PACS1: variants seen among roughly 807,000 people sequenced by gnomAD.
PACS1 encodes PACS-1.
PACS1 carries 24 observed loss-of-function variants against 115.0 expected under a neutral mutation model. That is an observed-to-expected ratio of 0.21 (90% CI 0.15 to 0.29). PACS1 has a LOEUF of 0.29. Ranked by LOEUF, PACS1 falls within the 10% of genes least tolerant of loss-of-function variation. PACS1 has a pLI of 1.00. For missense variants in PACS1, 838 were observed against 1,251.2 expected, an observed-to-expected ratio of 0.67 and a Z score of 4.98; for synonymous variants, 453 against 504.5, an observed-to-expected ratio of 0.90 and a Z score of 1.37.
At chr11:66,107,295 C>T (rs923197753) in intron 1 of PACS1, among the ~76,000 whole-genome samples, 1 of 152,136 alleles carries the variant, frequency 6.6e-6, no homozygotes, top group African/African-American at 2.4e-5. Flanking sequence ...GGTTCATTTT[C>T]ACTCCTCCTC....
intron 1 of PACS1, among the ~76,000 whole-genome samples, chr11:66,173,365 G>A (rs189968078): frequency 6.6e-6 from 1 of 152,000 alleles, no homozygotes; most frequent in Non-Finnish European, 1.5e-5. Context: ...CATTATTGCT[G>A]TTAAAAGTCC....
At chr11:66,195,053 A>G (rs555648133) in intron 2 of PACS1, among the ~76,000 whole-genome samples, 2 of 152,244 alleles carry the variant, frequency 1.3e-5, no homozygotes, top group South Asian at 2.1e-4. Flanking sequence ...GTGAAACCCC[A>G]TCTCTACTAA....
In PACS1 at chr11:66,156,204, TTATATATATATATATATATATATA is replaced by T. The variant is rs61270162; in HGVS notation, c.357-37255_357-37232del. Among the ~76,000 whole-genome samples the T allele has an allele frequency of 6.4e-3, 548 of 85,058 alleles. 12 individuals carry two copies. Among genetic ancestry groups the T allele is most frequent in the African/African-American group, 0.013 (317 of 23,748 alleles). 55.8% of individuals were successfully genotyped at this position (85,058 alleles called of 152,430 possible). On this transcript the variant is annotated intron_variant, in intron 1 of 23. Transcript: ENST00000320580. ...CCACAAAGTTGTTTCATTTTTTAAA[TTATATATATATATATATATATATA>T]TATATATATATATATATATATATAT...
chr11:66,188,887 A>G (rs1388688875), intron 1 of PACS1, among the ~76,000 whole-genome samples: 1 of 152,220 alleles, frequency 6.6e-6, no homozygotes, highest in Non-Finnish European at 1.5e-5. Flanking sequence ...TAAAAAGTTC[A>G]TTTATAATTA....
intron 1 of PACS1, among the ~76,000 whole-genome samples, chr11:66,152,163 GA>G (rs1859254751): frequency 6.6e-6 from 1 of 152,186 alleles, no homozygotes; most frequent in African/African-American, 2.4e-5. Flanking sequence ...GAGCCCAAGA[GA>G]TCGAGGCTGC....
intron 1 of PACS1, among the ~76,000 whole-genome samples, chr11:66,156,993 G>C (rs764821742): frequency 6.6e-6 from 1 of 152,084 alleles, no homozygotes; most frequent in African/African-American, 2.4e-5. Flanking sequence ...CTTCTTTGTG[G>C]TGATGTTCTT....
chr11:66,123,863 A>G (rs898843837), intron 1 of PACS1, among the ~76,000 whole-genome samples: 5 of 151,820 alleles, frequency 3.3e-5, no homozygotes, highest in Admixed American at 6.6e-5. Flanking sequence ...TTTTAAGACA[A>G]TGCTATTGCA....
intron 1 of PACS1, among the ~76,000 whole-genome samples, chr11:66,071,167 T>TCGCCGG: frequency 6.6e-6 from 1 of 152,164 alleles, no homozygotes. Flanking sequence ...CTCTCCTGCC[T>TCGCCGG]CGCCGGCGCC....
intron 4 of PACS1, among the ~76,000 whole-genome samples, chr11:66,213,661 G>A (rs894390592): frequency 5.3e-5 from 8 of 152,222 alleles, no homozygotes; most frequent in South Asian, 4.1e-4. Context: ...AGCACACATC[G>A]ATAATTTCAG....
chr11:66,153,936 C>G (rs1278239728), intron 1 of PACS1, among the ~76,000 whole-genome samples: 1 of 151,920 alleles, frequency 6.6e-6, no homozygotes, highest in East Asian at 1.9e-4. Flanking sequence ...AACACAGAGA[C>G]ACAGGTTAAA....
intron 1 of PACS1, among the ~76,000 whole-genome samples, chr11:66,186,516 T>G (rs1470898250): frequency 6.6e-6 from 1 of 152,222 alleles, no homozygotes; most frequent in Non-Finnish European, 1.5e-5. Context: ...CCTAGCTCTA[T>G]TTTCACACAA....
chr11:66,113,430 A>G (rs1858230726), intron 1 of PACS1, among the ~76,000 whole-genome samples: 1 of 152,182 alleles, frequency 6.6e-6, no homozygotes. Context: ...GTTATTGGTT[A>G]TCTTCAGATA....
chr11:66,188,630 A>G (rs1387525437), intron 1 of PACS1, among the ~76,000 whole-genome samples: 5 of 152,140 alleles, frequency 3.3e-5, no homozygotes, highest in Non-Finnish European at 7.4e-5. Flanking sequence ...TGTATCCTAC[A>G]TTTTCACTGC....
At chr11:66,149,014 T>C (rs555334842) in intron 1 of PACS1, among the ~76,000 whole-genome samples, 1 of 151,812 alleles carries the variant, frequency 6.6e-6, no homozygotes, top group South Asian at 2.1e-4. Context: ...ATGTGATGCA[T>C]TTGGTCGAAA....
chr11:66,116,630 C>G (rs1005645455), intron 1 of PACS1, among the ~76,000 whole-genome samples: 1 of 152,220 alleles, frequency 6.6e-6, no homozygotes, highest in Admixed American at 6.5e-5. Context: ...CAGTGGCTCA[C>G]GCCTGTAATC....
At chr11:66,104,041 A>G (rs1857979031) in intron 1 of PACS1, among the ~76,000 whole-genome samples, 1 of 152,138 alleles carries the variant, frequency 6.6e-6, no homozygotes, top group African/African-American at 2.4e-5. Context: ...ACTTTAAAAA[A>G]TACATAACCA....
intron 12 of PACS1, 69 bp downstream of exon 12, chr11:66,230,732 G>A (rs912711860): frequency 3.2e-5 from 51 of 1,612,560 alleles, no homozygotes; most frequent in Non-Finnish European, 4.3e-5. Flanking sequence ...TCAGGGCTGA[G>A]GGAAAGCGGG....
At chr11:66,105,496 G>A (rs547205921) in intron 1 of PACS1, among the ~76,000 whole-genome samples, 7 of 152,254 alleles carry the variant, frequency 4.6e-5, no homozygotes, top group South Asian at 4.1e-4. Flanking sequence ...GGTCAAAATC[G>A]TAGGCACACT....
At position 66,090,802 on chromosome 11, in the gene PACS1, T is replaced by A. The variant is rs74419203; in HGVS notation, c.356+19960T>A. Reference sequence around the variant, plus strand: ...GTATCAGATGAATATAGGTGATATATTATTATAATTAGATTTTCTTTCATA... The same window carrying A: ...GTATCAGATGAATATAGGTGATATAATATTATAATTAGATTTTCTTTCATA... On this transcript the variant is annotated intron_variant, in intron 1 of 23. Transcript: ENST00000320580. 8.3e-3 allele frequency among the ~76,000 whole-genome samples: 1,269 copies of A among 152,294 alleles called. 89 individuals carry two copies. The East Asian group carries it at 0.17, about 21-fold the overall frequency.
Sources: gnomAD v4.1 joint callset for allele counts (sites outside exome capture counted in the v4.1 genomes callset) on GRCh38, gnomAD v4.1.1 for gene constraint, MANE v1.5 for transcripts, NCBI Gene and HGNC (gene_info 2026-07-23, HGNC 2026-07-21) for gene names.